Variants in RIPOR3 observed in about 807,000 individuals in gnomAD.
The protein encoded by RIPOR3 is family with sequence similarity 65 member C.
Under a neutral mutation model 114.3 loss-of-function variants are expected in RIPOR3, and 95 were observed. That is an observed-to-expected ratio of 0.83 (90% CI 0.70 to 0.99). The LOEUF (loss-of-function observed/expected upper bound fraction) is 0.99, where lower values mean the gene tolerates loss of function less well. Ranked by LOEUF, RIPOR3 falls within the 50% of genes least tolerant of loss-of-function variation. The pLI is 0.00. For missense variants in RIPOR3, 1,252 were observed against 1,266.9 expected, an observed-to-expected ratio of 0.99 and a Z score of 0.18; for synonymous variants, 575 against 543.8, an observed-to-expected ratio of 1.06 and a Z score of -0.80.
intron 1 of RIPOR3, among the ~76,000 whole-genome samples, chr20:50,666,190 T>C (rs201778693): frequency 3.1e-3 from 158 of 51,144 alleles, no homozygotes; most frequent in Middle Eastern, 8.8e-3. Flanking sequence ...CCCATTTCTT[T>C]TCTTTTCTTT....
intron 1 of RIPOR3, among the ~76,000 whole-genome samples, chr20:50,674,903 C>T (rs1407549327): frequency 1.3e-5 from 2 of 151,854 alleles, no homozygotes; most frequent in Non-Finnish European, 2.9e-5. Flanking sequence ...GGCAACATAG[C>T]AAGACCCCAT....
chr20:50,618,374 T>TG (rs1339083334), intron 3 of RIPOR3, among the ~76,000 whole-genome samples: 1 of 151,596 alleles, frequency 6.6e-6, no homozygotes, highest in Non-Finnish European at 1.5e-5. Context: ...AACCACTCTT[T>TG]GGCCCACAGG....
rs1048320982 is a variant in RIPOR3 at position 50,691,500 on chromosome 20, C to T, written c.-372G>A. ...CGCTCCCCCCGGATGCCGCCTGCTG[C>T]TCTGGACGCGGCCGATTGCTTGTCA... On this transcript the variant is annotated 5_prime_UTR_variant, in exon 1 of 22. Transcript: ENST00000327979. 2 of 210,362 alleles carry T rather than the reference C, an allele frequency of 9.5e-6. No homozygotes were observed. Among genetic ancestry groups the T allele is most frequent in the Non-Finnish European group, 2.0e-5 (2 of 101,930 alleles). The allele number at this position is 210,362 out of a possible 1,614,324, so 13.0% of individuals were successfully genotyped here. A position where few individuals can be genotyped will look rare whatever the true frequency, so the allele number is the denominator to read the frequency against.
At chr20:50,652,479 T>C (rs1249168099) in intron 1 of RIPOR3, among the ~76,000 whole-genome samples, 2 of 149,642 alleles carry the variant, frequency 1.3e-5, no homozygotes, top group African/African-American at 4.9e-5. Flanking sequence ...TAATCCCAGC[T>C]ACTTGGGAGG....
chr20:50,617,657 G>C lies in RIPOR3; in HGVS notation c.270-1577C>G, dbSNP rs576009158. Among the ~76,000 whole-genome samples, 170 of 87,004 alleles carry C rather than the reference G, an allele frequency of 2.0e-3. 1 individual carries two copies. The highest frequency in any genetic ancestry group is 8.1e-3 in the African/African-American group (165 of 20,340). The allele number at this position is 87,004 out of a possible 152,430, so 57.1% of individuals were successfully genotyped here. A position where few individuals can be genotyped will look rare whatever the true frequency, so the allele number is the denominator to read the frequency against. On this transcript the variant is annotated intron_variant, in intron 3 of 21. Coordinates refer to ENST00000327979, the MANE Select transcript of RIPOR3 (RefSeq NM_001290268.2). ...TTTTTTTTTTTTTTTTTTGAGTCTT[G>C]CTCTGTCTCCTAGGCTGGAGTGCAA...
chr20:50,613,974 C>T (rs1600571950), intron 4 of RIPOR3, among the ~76,000 whole-genome samples: 1 of 152,190 alleles, frequency 6.6e-6, no homozygotes, highest in Non-Finnish European at 1.5e-5. Flanking sequence ...CCCCGAGGCC[C>T]TCTCTGCTGG....
At chr20:50,593,383 A>G (rs2083177558) in intron 17 of RIPOR3, among the ~76,000 whole-genome samples, 187 bp from the exon 18 acceptor site, 5 of 151,898 alleles carry the variant, frequency 3.3e-5, no homozygotes, top group Admixed American at 3.3e-4. Context: ...GACCAGCCTG[A>G]CCAACATGGT....
At chr20:50,662,583 C>A (rs2086034089) in intron 1 of RIPOR3, among the ~76,000 whole-genome samples, 1 of 152,180 alleles carries the variant, frequency 6.6e-6, no homozygotes. Flanking sequence ...TGCCTGGATG[C>A]CTCTGCCCAC....
intron 2 of RIPOR3, among the ~76,000 whole-genome samples, chr20:50,624,394 C>T (rs1219344640): frequency 6.6e-6 from 1 of 152,186 alleles, no homozygotes; most frequent in Non-Finnish European, 1.5e-5. Flanking sequence ...TGCCTCCAGC[C>T]CCCAACAGGT....
rs1345846861 is a variant in RIPOR3, at chr20:50,613,477, G to A, written c.349-2273C>T. ...CGAAAAAAAAGAAAAGAAAAGAAAA[G>A]AAATAAATAAAGAAAGAGGAAAGAT... On this transcript the variant is annotated intron_variant, in intron 4 of 21. Coordinates refer to ENST00000327979, the MANE Select transcript of RIPOR3 (RefSeq NM_001290268.2). Among the ~76,000 whole-genome samples the A allele has an allele frequency of 1.1e-4, 16 of 151,762 alleles. 1 individual carries two copies. The East Asian group carries it at 2.9e-3, about 27-fold the overall frequency.
Position 50,602,130 on chromosome 20 carries a change from G to A in RIPOR3, c.1601C>T (p.Thr534Ile). Residue 534 changes from threonine to isoleucine, a missense_variant, in exon 13 of 22, where the codon ACC becomes ATC. By Grantham distance (89) the Thr-to-Ile change is moderately conservative. Coordinates refer to ENST00000327979, the MANE Select transcript of RIPOR3 (RefSeq NM_001290268.2). The surrounding 1 kb of genome is among the most constrained non-coding windows in gnomAD (Gnocchi z 4.3). ...CTCCAGCTCCCGGAGCTGGGGCTGG[G>A]TGGAGTCCGTGGGCCTCAGCAACTC... ...VLELLRPTDSTQPQLRELEYQ... is the reference protein window; with the variant it reads ...VLELLRPTDSIQPQLRELEYQ... 1.2e-6 allele frequency: 2 copies of A among 1,609,484 alleles called. No homozygotes were observed. The highest frequency in any genetic ancestry group is 1.7e-6 in the Non-Finnish European group (2 of 1,178,000).
At chr20:50,630,437 G>A (rs936927575) in intron 2 of RIPOR3, among the ~76,000 whole-genome samples, 1 of 152,264 alleles carries the variant, frequency 6.6e-6, no homozygotes, top group South Asian at 2.1e-4. Context: ...TTTTTTATCT[G>A]CCAAGTGGAC....
At chr20:50,652,605 A>AG (rs1252384713) in intron 1 of RIPOR3, among the ~76,000 whole-genome samples, 107 of 150,218 alleles carry the variant, frequency 7.1e-4, no homozygotes, top group African/African-American at 1.9e-3. Context: ...AAAAAAAAAA[A>AG]AAAAAAAAGA....
intron 8 of RIPOR3, 133 bp downstream of exon 8, chr20:50,609,160 G>T: frequency 7.8e-7 from 1 of 1,289,602 alleles, no homozygotes; most frequent in Non-Finnish European, 1.1e-6. Flanking sequence ...CTTGCCAGAA[G>T]TCACATGTCA....
chr20:50,687,978 C>A (rs2087085644), intron 1 of RIPOR3, among the ~76,000 whole-genome samples: 1 of 151,762 alleles, frequency 6.6e-6, no homozygotes, highest in African/African-American at 2.4e-5. Flanking sequence ...ACTTACAATA[C>A]CTTTTCTTTT....
intron 1 of RIPOR3, among the ~76,000 whole-genome samples, chr20:50,646,153 G>T (rs2085394129): frequency 6.6e-6 from 1 of 151,558 alleles, no homozygotes; most frequent in Admixed American, 6.6e-5. Context: ...TTATAGACAG[G>T]TTCTCACTAT....
In RIPOR3 at chr20:50,620,963, G is replaced by C. The variant is rs150179389; in HGVS notation, c.123-831C>G. ...ACTGAAGGTCTCCAAGGACAAACAG[G>C]CCCTCAAGTTCATCAAGGAAAGGGT... On this transcript the variant is annotated intron_variant, in intron 2 of 21. Transcript: ENST00000327979. The C allele has an allele frequency of 2.4e-3, 1,278 of 532,418 alleles. 14 individuals carry two copies. The highest frequency in any genetic ancestry group is 0.023 in the African/African-American group (1,180 of 51,390). The allele number at this position is 532,418 out of a possible 1,614,324, so 33.0% of individuals were successfully genotyped here.
chr20:50,617,626 C>T (rs1289838919), intron 3 of RIPOR3, among the ~76,000 whole-genome samples: 1 of 138,112 alleles, frequency 7.2e-6, no homozygotes, highest in Non-Finnish European at 1.5e-5. Context: ...AAGGTGGTTT[C>T]CCTTTTTTTT....
In RIPOR3 at chr20:50,664,981, A is replaced by G. The variant is rs557143889; in HGVS notation, c.3+26145T>C. Among the ~76,000 whole-genome samples, 153 of 152,232 alleles carry G rather than the reference A, an allele frequency of 1.0e-3. 2 individuals carry two copies. The South Asian group carries it at 0.014, about 14-fold the overall frequency. ...GCCAGGCATGGTGGCGCATGCCTGT[A>G]ATCCCAGCTACCTGGGAGGCTGAAA... On this transcript the variant is annotated intron_variant, in intron 1 of 21. Coordinates refer to ENST00000327979, the MANE Select transcript of RIPOR3 (RefSeq NM_001290268.2).
Sources: gnomAD v4.1 joint callset for allele counts (sites outside exome capture counted in the v4.1 genomes callset) on GRCh38, gnomAD v4.1.1 for gene constraint, Gnocchi (gnomAD v3.1) non-coding constraint, MANE v1.5 for transcripts, NCBI Gene and HGNC (gene_info 2026-07-23, HGNC 2026-07-21) for gene names.